DOCK4: variants seen among roughly 807,000 people sequenced by gnomAD.
DOCK4 encodes dedicator of cytokinesis 4.
DOCK4 carries 97 observed loss-of-function variants against 268.1 expected under a neutral mutation model. The ratio of observed to expected loss-of-function variants is 0.36; its 90% confidence interval spans 0.31 to 0.43. The LOEUF (loss-of-function observed/expected upper bound fraction) is 0.43, where lower values mean the gene tolerates loss of function less well. Among genes scored for constraint, DOCK4 ranks in the 20% least tolerant of loss-of-function variants. The pLI, the probability that DOCK4 is intolerant of heterozygous loss-of-function variation, is 1.00. For missense variants in DOCK4, 2,145 were observed against 2,455.7 expected (o/e 0.87, Z 2.67); for synonymous variants, 954 against 887.2 (o/e 1.08, Z -1.34).
intron 13 of DOCK4, 100 bp from the exon 14 acceptor site, chr7:111,901,901 T>C: frequency 1.3e-6 from 1 of 788,336 alleles, no homozygotes; most frequent in Non-Finnish European, 2.0e-6. Flanking sequence ...TATACTGCTA[T>C]ACATACATAT....
chr7:112,032,998 A>G (rs7811902), intron 1 of DOCK4, among the ~76,000 whole-genome samples: 3,579 of 152,298 alleles, frequency 0.024, 120 homozygotes, highest in African/African-American at 0.08. Context: ...GCTCATTGTA[A>G]TAACTTCTGA....
intron 11 of DOCK4, among the ~76,000 whole-genome samples, chr7:111,937,091 T>G (rs1332189213): frequency 6.6e-6 from 1 of 151,202 alleles, no homozygotes; most frequent in Non-Finnish European, 1.5e-5. Flanking sequence ...GCTTTTAACC[T>G]ACAAAACTCA....
chr7:111,938,669 G>C (rs1390200361), intron 11 of DOCK4, among the ~76,000 whole-genome samples: 1 of 152,166 alleles, frequency 6.6e-6, no homozygotes, highest in Non-Finnish European at 1.5e-5. Context: ...GGGTTAAACT[G>C]TATCCCCCAA....
At chr7:111,828,929 T>C (rs1802605572) in intron 26 of DOCK4, among the ~76,000 whole-genome samples, 1 of 150,580 alleles carries the variant, frequency 6.6e-6, no homozygotes, top group African/African-American at 2.4e-5. Flanking sequence ...GTATACAAAA[T>C]CATCTACAAG....
intron 21 of DOCK4, 43 bp downstream of exon 21, chr7:111,869,531 A>G: frequency 6.3e-7 from 1 of 1,582,174 alleles, no homozygotes; most frequent in Non-Finnish European, 8.7e-7. Context: ...TCAGCATGCA[A>G]CAGCTTTGTT....
rs1797995011 is a variant in DOCK4, at chr7:111,769,680, G to A, written c.3680-3C>T. 4.3e-6 allele frequency: 7 copies of A among 1,612,646 alleles called. No individual in the cohort carries two copies. Among genetic ancestry groups the A allele is most frequent in the Non-Finnish European group, 5.9e-6 (7 of 1,179,188 alleles). Reference sequence around the variant, plus strand: ...TAAGAGGAGGGTATATGCAGCTTCTGCAAGTCACGTGAGAAGACAATGATT... The same window carrying A: ...TAAGAGGAGGGTATATGCAGCTTCTACAAGTCACGTGAGAAGACAATGATT... On this transcript the variant is annotated splice_polypyrimidine_tract_variant and splice_region_variant and intron_variant, in intron 36 of 52. Coordinates refer to ENST00000428084, the MANE Select transcript of DOCK4 (RefSeq NM_001363540.2).
At chr7:111,915,990 A>G (rs1477352461) in intron 12 of DOCK4, 86 bp from the exon 13 acceptor site, 5 of 1,412,348 alleles carry the variant, frequency 3.5e-6, no homozygotes, top group Non-Finnish European at 4.8e-6. Flanking sequence ...GCCCAAATTT[A>G]GAATATCATG....
intron 5 of DOCK4, among the ~76,000 whole-genome samples, chr7:111,990,501 A>G (rs1400401076): frequency 1.3e-5 from 2 of 152,146 alleles, no homozygotes; most frequent in African/African-American, 4.8e-5. Context: ...GTCATCACGT[A>G]TTTTTTATTT....
rs2134093830 is a variant in DOCK4, at chr7:111,847,184, G to A, written c.2474-58C>T. ...GTTGGAGTCCCACGCAATACCTAGG[G>A]CAAATCCTTATCTACTTTTAATTCA... On this transcript the variant is annotated intron_variant, in intron 23 of 52. Coordinates refer to ENST00000428084, the MANE Select transcript of DOCK4 (RefSeq NM_001363540.2). The A allele has an allele frequency of 3.8e-6, 6 of 1,587,252 alleles. No individual in the cohort carries two copies. In the South Asian group the frequency reaches 6.8e-5, roughly 18 times the overall value.
At chr7:112,091,690 A>T (rs978420173) in intron 1 of DOCK4, among the ~76,000 whole-genome samples, 4 of 152,168 alleles carry the variant, frequency 2.6e-5, no homozygotes, top group African/African-American at 9.7e-5. Context: ...GGCAACTCAC[A>T]AGGGTATTTC....
intron 30 of DOCK4, among the ~76,000 whole-genome samples, chr7:111,806,499 A>G (rs1800686431): frequency 1.3e-5 from 2 of 152,274 alleles, no homozygotes; most frequent in African/African-American, 4.8e-5. Flanking sequence ...AATGAAGTAA[A>G]AATTTACGCT....
chr7:112,018,143 CAAAAAAAAAAAAAAAAAAAAAAAAAAAA>C (rs140883588), intron 1 of DOCK4, among the ~76,000 whole-genome samples: 2 of 20,632 alleles, frequency 9.7e-5, no homozygotes, highest in Non-Finnish European at 1.6e-4. Flanking sequence ...GACTCCAGCT[CAAAAAAAAAAAAAAAAAAAAAAAAAAAA>C]AAAAAAAAAC....
At chr7:111,729,623 G>A (rs905774315) in intron 52 of DOCK4, among the ~76,000 whole-genome samples, 7 of 152,088 alleles carry the variant, frequency 4.6e-5, no homozygotes, top group African/African-American at 1.7e-4. Context: ...AGAGGGAACT[G>A]GCCAAAAACC....
intron 26 of DOCK4, among the ~76,000 whole-genome samples, chr7:111,827,208 T>C (rs989320133): frequency 6.6e-6 from 1 of 152,242 alleles, no homozygotes; most frequent in Admixed American, 6.5e-5. Context: ...GAAACTTATA[T>C]TCTTAAAATG....
Position 112,134,217 on chromosome 7 carries a change from A to C in DOCK4, c.37+71885T>G, listed in dbSNP as rs183412158. 3.9e-5 allele frequency among the ~76,000 whole-genome samples: 6 copies of C among 152,278 alleles called. No homozygotes were observed. In the East Asian group the frequency reaches 1.2e-3, roughly 29 times the overall value. On this transcript the variant is annotated intron_variant, in intron 1 of 52. Transcript: ENST00000428084. The stretch of plus-strand genomic sequence containing the variant: ...ACAAACAGGGTGGAGCTTTCACTAC[A>C]ATAGCAACACTCTTCCTCCCTGAGG...
intron 36 of DOCK4, among the ~76,000 whole-genome samples, chr7:111,770,321 G>A (rs73434207): frequency 0.053 from 8,090 of 151,932 alleles, 683 homozygotes; most frequent in African/African-American, 0.18. Flanking sequence ...GTGTGTGGGT[G>A]TGTGGGTGTA....
In DOCK4 at chr7:111,842,142, A is replaced by G. The variant is rs373610731; in HGVS notation, c.2736+2621T>C. On this transcript the variant is annotated intron_variant, in intron 25 of 52. Coordinates refer to ENST00000428084, the MANE Select transcript of DOCK4 (RefSeq NM_001363540.2). ...CTCCCCTATTCCTCCTGCTAAGTAC[A>G]ACTAAAAACCTGAACATCAAATATA... Among the ~76,000 whole-genome samples the G allele has an allele frequency of 1.3e-3, 191 of 152,336 alleles. 1 individual carries two copies. The highest frequency in any genetic ancestry group is 4.3e-3 in the African/African-American group (180 of 41,568).
At chr7:112,057,690 G>A (rs191588582) in intron 1 of DOCK4, among the ~76,000 whole-genome samples, 57 of 151,942 alleles carry the variant, frequency 3.8e-4, no homozygotes, top group African/African-American at 1.2e-3. Context: ...TGGGAAGATC[G>A]CTTGAACCCA....
chr7:112,201,845 A>G (rs1820963745), intron 1 of DOCK4, among the ~76,000 whole-genome samples: 1 of 152,224 alleles, frequency 6.6e-6, no homozygotes, highest in East Asian at 1.9e-4. Context: ...ACTTTCCCCA[A>G]CCACCCTCTT....
Sources: gnomAD v4.1 joint callset for allele counts (sites outside exome capture counted in the v4.1 genomes callset) on GRCh38, gnomAD v4.1.1 for gene constraint, MANE v1.5 for transcripts, NCBI Gene and HGNC (gene_info 2026-07-23, HGNC 2026-07-21) for gene names.